C6: variants seen among roughly 807,000 people sequenced by gnomAD.
The protein encoded by C6 is complement C6, also known as complement component C6.
A neutral mutation model predicts 112.9 loss-of-function variants in C6; 101 were observed. The ratio of observed to expected loss-of-function variants is 0.89; its 90% CI spans 0.76 to 1.06. The LOEUF (loss-of-function observed/expected upper bound fraction) is 1.06. Among genes scored for constraint, C6 ranks in the 50% least tolerant of loss-of-function variants. The pLI is 0.00. For missense variants in C6, 1,202 were observed against 1,104.6 expected (o/e 1.09, Z -1.25); for synonymous variants, 431 against 384.1 (o/e 1.12, Z -1.43).
chr5:41,160,748 A>T, intron 10 of C6, among the ~76,000 whole-genome samples: 1 of 152,166 alleles, frequency 6.6e-6, no homozygotes, highest in Non-Finnish European at 1.5e-5. Context: ...GCAGCAAAAA[A>T]TTTAGAGAGG....
intron 9 of C6, among the ~76,000 whole-genome samples, chr5:41,163,316 T>C (rs1747698862): frequency 6.6e-6 from 1 of 150,642 alleles, no homozygotes; most frequent in Admixed American, 6.6e-5. Context: ...TGAACTTTTT[T>C]TTTTTTTTTT....
chr5:41,159,939 T>A (rs901841530), intron 11 of C6, among the ~76,000 whole-genome samples: 12 of 152,278 alleles, frequency 7.9e-5, no homozygotes, highest in African/African-American at 2.2e-4. Flanking sequence ...GATTGAGGCA[T>A]AGGGAAGCTG....
rs549858178 is a variant in C6, at chr5:41,142,404, T to C, written c.*421A>G. 1.9e-4 allele frequency: 40 copies of C among 211,744 alleles called. No individual in the cohort carries two copies. Among genetic ancestry groups the C allele is most frequent in the African/African-American group, 8.8e-4 (39 of 44,414 alleles). 13.1% of individuals were successfully genotyped at this position (211,744 alleles called of 1,614,324 possible). On this transcript the variant is annotated 3_prime_UTR_variant, in exon 18 of 18. Coordinates refer to ENST00000337836, the MANE Select transcript of C6 (RefSeq NM_000065.5). ...TCAGAAATTATTTGTTGAATGAAGATATGAAAGCTGGGCTTCAAGAATGTG... is the reference window on the plus strand; with the variant it reads ...TCAGAAATTATTTGTTGAATGAAGACATGAAAGCTGGGCTTCAAGAATGTG...
At chr5:41,180,090 G>A (rs959805587) in intron 7 of C6, among the ~76,000 whole-genome samples, 2 of 152,090 alleles carry the variant, frequency 1.3e-5, no homozygotes, top group Non-Finnish European at 2.9e-5. Context: ...GAATTGTTTT[G>A]AGGATAAATG....
intron 5 of C6, among the ~76,000 whole-genome samples, chr5:41,186,856 G>A (rs190796447): frequency 1.3e-5 from 2 of 152,044 alleles, no homozygotes; most frequent in African/African-American, 2.4e-5. Context: ...AGGACATTGA[G>A]GCACATAGAG....
intron 9 of C6, among the ~76,000 whole-genome samples, chr5:41,168,702 G>C (rs1025619899): frequency 1.6e-4 from 25 of 152,104 alleles, no homozygotes; most frequent in Non-Finnish European, 2.9e-5. Flanking sequence ...AGGACCCTCA[G>C]TTCCTTACGG....
At chr5:41,238,508 C>A (rs1740475228) in intron 1 of C6, among the ~76,000 whole-genome samples, 1 of 152,156 alleles carries the variant, frequency 6.6e-6, no homozygotes. Flanking sequence ...TGGGGCAAGT[C>A]TATTCACACC....
chr5:41,181,981 T>G (rs955174189), intron 6 of C6, among the ~76,000 whole-genome samples: 2 of 152,208 alleles, frequency 1.3e-5, no homozygotes, highest in African/African-American at 4.8e-5. Flanking sequence ...TTGTTCTTTA[T>G]AACCAAGTCC....
At position 41,160,191 on chromosome 5, in the gene C6, A is replaced by G. The variant is rs62361567; in HGVS notation, c.1635T>C (p.Ser545=). The change falls in exon 11 of 18, where the codon AGT becomes AGC. Residue 545 remains serine (S), a synonymous_variant. Coordinates refer to ENST00000337836, the MANE Select transcript of C6 (RefSeq NM_000065.5). ...SGTECLCVCQ[S]GTYGENCEKQ... ...TCTCACAGTTCTCACCATAGGTGCC[A>G]CTCTGACACACACACAGACATTCAG... is the stretch of plus-strand genomic sequence containing the variant. 0.032 allele frequency: 52,018 copies of G among 1,613,748 alleles called. 1,015 individuals carry two copies. Among genetic ancestry groups the G allele is most frequent in the Non-Finnish European group, 0.039 (45,904 of 1,179,696 alleles).
chr5:41,165,074 G>A (rs1196407969), intron 9 of C6, among the ~76,000 whole-genome samples: 1 of 152,062 alleles, frequency 6.6e-6, no homozygotes, highest in African/African-American at 2.4e-5. Flanking sequence ...AACTTTATAT[G>A]TAAGGTTTTA....
intron 1 of C6, among the ~76,000 whole-genome samples, chr5:41,238,258 C>T (rs1367768665): frequency 2.9e-5 from 4 of 139,952 alleles, no homozygotes; most frequent in Non-Finnish European, 4.6e-5. Flanking sequence ...CAAAAAAGAG[C>T]CCGCATCGCC....
At chr5:41,193,795 A>ATTTTTTTTTTTTTTTTTTTT (rs11460725) in intron 5 of C6, among the ~76,000 whole-genome samples, 1 of 137,418 alleles carries the variant, frequency 7.3e-6, no homozygotes, top group Non-Finnish European at 1.6e-5. Flanking sequence ...TCAGGAAGCT[A>ATTTTTTTTTTTTTTTTTTTT]TTTTTTTTTT....
At position 41,153,904 on chromosome 5, in the gene C6, G is replaced by A. The variant is rs756859933; in HGVS notation, c.2196C>T (p.Cys732=). The change falls in exon 15 of 18, where the codon TGC becomes TGT. Residue 732 remains cysteine (C), a synonymous_variant. Coordinates refer to ENST00000337836, the MANE Select transcript of C6 (RefSeq NM_000065.5). ...GCCCAGCAACAACAAAGCCTTTGGG[G>A]CAAGTTAGCTCAATGGATTCACCAA... ...YRIGESIELT[C]PKGFVVAGPS... The A allele has an allele frequency of 2.0e-5, 32 of 1,613,402 alleles. No homozygotes were observed. In the Middle Eastern group the frequency reaches 4.9e-4, roughly 25 times the overall value.
At chr5:41,234,718 AG>A (rs2150417061) in intron 1 of C6, among the ~76,000 whole-genome samples, 1 of 152,268 alleles carries the variant, frequency 6.6e-6, no homozygotes, top group Non-Finnish European at 1.5e-5. Flanking sequence ...GGTGACTACA[AG>A]GGAATACAAT....
At chr5:41,210,386 G>T (rs1255430273) in intron 1 of C6, among the ~76,000 whole-genome samples, 1 of 152,128 alleles carries the variant, frequency 6.6e-6, no homozygotes, top group Non-Finnish European at 1.5e-5. Flanking sequence ...TTAAACTAAA[G>T]AGCTTCTGCT....
At chr5:41,260,379 T>A (rs1398710473) in intron 1 of C6, among the ~76,000 whole-genome samples, 1 of 151,924 alleles carries the variant, frequency 6.6e-6, no homozygotes. Flanking sequence ...TATCAAAACT[T>A]GTAATTAGTG....
intron 1 of C6, among the ~76,000 whole-genome samples, chr5:41,226,495 G>A (rs1739511494): frequency 6.6e-6 from 1 of 152,228 alleles, no homozygotes; most frequent in Admixed American, 6.5e-5. Context: ...GTTTTCAACT[G>A]TAGAGTACAT....
intron 6 of C6, among the ~76,000 whole-genome samples, chr5:41,181,973 G>A (rs570508529): frequency 6.6e-6 from 1 of 152,294 alleles, no homozygotes; most frequent in East Asian, 1.9e-4. Context: ...AACTGGGCTT[G>A]TTCTTTATAA....
intron 1 of C6, among the ~76,000 whole-genome samples, chr5:41,256,810 T>C (rs912917533): frequency 6.6e-6 from 1 of 152,148 alleles, no homozygotes; most frequent in Non-Finnish European, 1.5e-5. Flanking sequence ...AGCTCCTTGA[T>C]AAAAGGGAAC....
Sources: allele counts gnomAD v4.1 joint callset (sites outside exome capture counted in the v4.1 genomes callset), GRCh38; gene constraint gnomAD v4.1.1; transcripts MANE v1.5; gene names NCBI Gene and HGNC (gene_info 2026-07-23, HGNC 2026-07-21).